CADPS2: variants seen among roughly 807,000 people sequenced by gnomAD.
CADPS2 encodes the protein calcium-dependent secretion activator 2.
A neutral mutation model predicts 172.5 loss-of-function variants in CADPS2; 93 were observed. The ratio of observed to expected loss-of-function variants is 0.54; its 90% CI spans 0.46 to 0.64. The LOEUF (loss-of-function observed/expected upper bound fraction) is 0.64. Among genes scored for constraint, CADPS2 ranks in the 30% least tolerant of loss-of-function variants. The pLI, the probability that CADPS2 is intolerant of heterozygous loss-of-function variation, is 0.00. For missense variants in CADPS2, 1,420 were observed against 1,565.9 expected (o/e 0.91, Z 1.57); for synonymous variants, 546 against 555.2 (o/e 0.98, Z 0.23).
At chr7:122,698,657 G>A (rs781180655) in intron 2 of CADPS2, 2 of 1,613,958 alleles carry the variant, frequency 1.2e-6, no homozygotes, top group South Asian at 2.2e-5. Flanking sequence ...ATGGTATTGG[G>A]ATTACATGCA....
intron 1 of CADPS2, among the ~76,000 whole-genome samples, chr7:122,807,159 C>A (rs895441540): frequency 6.6e-6 from 1 of 152,208 alleles, no homozygotes; most frequent in Non-Finnish European, 1.5e-5. Context: ...TGGTGGCCTA[C>A]CCCAGCGGTA....
intron 3 of CADPS2, among the ~76,000 whole-genome samples, chr7:122,659,330 C>T (rs1308864573): frequency 2.1e-5 from 2 of 96,146 alleles, no homozygotes; most frequent in South Asian, 3.2e-4. Flanking sequence ...AAAAAAACAC[C>T]GTGGAAAAAA....
chr7:122,582,468 A>C (rs1467568537), intron 6 of CADPS2, among the ~76,000 whole-genome samples: 1 of 152,088 alleles, frequency 6.6e-6, no homozygotes, highest in Non-Finnish European at 1.5e-5. Context: ...GAAGAGAAGA[A>C]TCAATTAGGG....
chr7:122,784,938 A>T (rs962487852), intron 1 of CADPS2, among the ~76,000 whole-genome samples: 1 of 152,018 alleles, frequency 6.6e-6, no homozygotes, highest in African/African-American at 2.4e-5. Context: ...CACCTTGTTG[A>T]ACATCAATTA....
At position 122,366,610 on chromosome 7, in the gene CADPS2, TACACACACACACAC is replaced by T. The variant is rs200926726; in HGVS notation, c.3388-5611_3388-5598del. On this transcript the variant is annotated intron_variant, in intron 25 of 29. Coordinates refer to ENST00000449022, the MANE Select transcript of CADPS2 (RefSeq NM_017954.11). ...ACAGTGCAAGACTCCATCTCAAAAA[TACACACACACACAC>T]ACACACACACACACACACACACATA... Among the ~76,000 whole-genome samples, 129 of 126,220 alleles carry T rather than the reference TACACACACACACAC, an allele frequency of 1.0e-3. 1 individual carries two copies. The East Asian group carries it at 0.021, about 20-fold the overall frequency. 82.8% of individuals were successfully genotyped at this position (126,220 alleles called of 152,430 possible). A position where few individuals can be genotyped will look rare whatever the true frequency, so the allele number is the denominator to read the frequency against.
intron 6 of CADPS2, among the ~76,000 whole-genome samples, chr7:122,598,122 C>A (rs1450020961): frequency 1.3e-5 from 2 of 151,808 alleles, no homozygotes; most frequent in Non-Finnish European, 2.9e-5. Context: ...TTTTGTGAGT[C>A]CTTATTTCCA....
At chr7:122,838,962 T>C (rs960387681) in intron 1 of CADPS2, among the ~76,000 whole-genome samples, 9 of 152,066 alleles carry the variant, frequency 5.9e-5, no homozygotes, top group Non-Finnish European at 1.2e-4. Flanking sequence ...AAAGAGCCTG[T>C]ATTGCCAAGA....
intron 7 of CADPS2, among the ~76,000 whole-genome samples, chr7:122,559,379 C>T (rs1040154249): frequency 6.6e-6 from 1 of 152,128 alleles, no homozygotes; most frequent in African/African-American, 2.4e-5. Flanking sequence ...TGGACTTAGC[C>T]TCAGTCCGTT....
At chr7:122,434,523 T>A (rs998966297) in intron 17 of CADPS2, among the ~76,000 whole-genome samples, 2 of 152,158 alleles carry the variant, frequency 1.3e-5, no homozygotes, top group Non-Finnish European at 2.9e-5. Flanking sequence ...CCTACCTCTC[T>A]CCAAAGTCCA....
chr7:122,474,346 C>A (rs761088065), intron 13 of CADPS2, 35 bp downstream of exon 13: 1 of 1,584,070 alleles, frequency 6.3e-7, no homozygotes, highest in Non-Finnish European at 8.6e-7. Context: ...ATCTTTTATT[C>A]CAACTTATAG....
chr7:122,657,277 G>C lies in CADPS2; in HGVS notation c.786+5960C>G, dbSNP rs576354173. On this transcript the variant is annotated intron_variant, in intron 3 of 29. Coordinates refer to ENST00000449022, the MANE Select transcript of CADPS2 (RefSeq NM_017954.11). ...AGCTTTGTTCTTTTGGCTTAGGATT[G>C]TCTTGGCAATGCAGGCTCTTTTTTG... is the stretch of plus-strand genomic sequence containing the variant. Among the ~76,000 whole-genome samples, 13 of 152,286 alleles carry C rather than the reference G, an allele frequency of 8.5e-5. No homozygotes were observed. The East Asian group carries it at 2.5e-3, about 29-fold the overall frequency.
chr7:122,605,134 A>G (rs2073333175), intron 6 of CADPS2, among the ~76,000 whole-genome samples: 1 of 152,180 alleles, frequency 6.6e-6, no homozygotes, highest in Admixed American at 6.6e-5. Flanking sequence ...TATAAACAAT[A>G]CAAATGGTAA....
In CADPS2 at chr7:122,471,554, A is replaced by T. The variant is rs375874525; in HGVS notation, c.2007T>A (p.Phe669Leu). 2 of 1,588,176 alleles carry T rather than the reference A, an allele frequency of 1.3e-6. No homozygotes were observed. Among genetic ancestry groups the T allele is most frequent in the South Asian group, 1.1e-5 (1 of 87,106 alleles). Residue 669 changes from phenylalanine to leucine, a missense_variant, in exon 14 of 30, where the codon TTT becomes TTA. Transcript: ENST00000449022. The part of the protein sequence containing the change: ...LNDSYSCLGW[F>L]SPGQVFVLDE... ...CTAACACAAAGACTTGGCCAGGGCT[A>T]AACCATCCCTGCAAAATAAAAAAAG...
intron 19 of CADPS2, 45 bp downstream of exon 19, chr7:122,414,023 A>G: frequency 2.7e-6 from 4 of 1,503,842 alleles, no homozygotes; most frequent in Non-Finnish European, 3.6e-6. Flanking sequence ...TTCACATAAA[A>G]GAGGTATCCT....
chr7:122,510,947 A>G (rs1032064881), intron 9 of CADPS2, among the ~76,000 whole-genome samples: 1 of 152,178 alleles, frequency 6.6e-6, no homozygotes, highest in African/African-American at 2.4e-5. Context: ...ATGGATTCTC[A>G]GTTCATTTGG....
chr7:122,326,169 A>G (rs943764773), intron 28 of CADPS2, among the ~76,000 whole-genome samples: 4 of 152,070 alleles, frequency 2.6e-5, no homozygotes, highest in Admixed American at 2.6e-4. Flanking sequence ...ACCATCTAAA[A>G]TAAAGATTTA....
intron 1 of CADPS2, among the ~76,000 whole-genome samples, chr7:122,801,733 T>C (rs1797692175): frequency 6.6e-6 from 1 of 151,638 alleles, no homozygotes; most frequent in Admixed American, 6.6e-5. Flanking sequence ...TATAACTACA[T>C]GAAAATGAAA....
At chr7:122,444,007 C>A (rs1246477543) in intron 15 of CADPS2, among the ~76,000 whole-genome samples, 3 of 152,074 alleles carry the variant, frequency 2.0e-5, no homozygotes, top group African/African-American at 7.2e-5. Context: ...GGCAACTACT[C>A]ATTTCCTTGC....
At chr7:122,601,154 T>A (rs2072706994) in intron 6 of CADPS2, among the ~76,000 whole-genome samples, 1 of 152,036 alleles carries the variant, frequency 6.6e-6, no homozygotes, top group Non-Finnish European at 1.5e-5. Context: ...ATTTTTCATC[T>A]CTACCATTTT....
Sources: allele counts gnomAD v4.1 joint callset (sites outside exome capture counted in the v4.1 genomes callset), GRCh38; gene constraint gnomAD v4.1.1; transcripts MANE v1.5; gene names NCBI Gene and HGNC (gene_info 2026-07-23, HGNC 2026-07-21).